The following AUTS2 variants were observed in gnomAD, a reference collection of about 807,000 sequenced individuals.
AUTS2 encodes activator of transcription and developmental regulator AUTS2.
A neutral mutation model predicts 112.4 loss-of-function variants in AUTS2; 17 were observed. The ratio of observed to expected loss-of-function variants is 0.15; its 90% CI spans 0.10 to 0.23. The LOEUF is 0.23. Ranked by LOEUF, AUTS2 falls within the 10% of genes least tolerant of loss-of-function variation. The pLI, the probability that AUTS2 is intolerant of heterozygous loss-of-function variation, is 1.00. For missense variants in AUTS2, 1,510 were observed against 1,701.6 expected, an observed-to-expected ratio of 0.89 and a Z score of 1.98; for synonymous variants, 751 against 702.7, an observed-to-expected ratio of 1.07 and a Z score of -1.09.
chr7:70,729,222 G>T (rs983100916), intron 6 of AUTS2: 1 of 456,266 alleles, frequency 2.2e-6, no homozygotes, highest in Non-Finnish European at 4.4e-6. Context: ...ATGGTTAAAG[G>T]TACCATGGCT....
Position 70,766,439 on chromosome 7 carries a change from GGACT to G in AUTS2, c.1689+109_1689+112del. The G allele has an allele frequency of 7.2e-7, 1 of 1,397,026 alleles. No homozygotes were observed. Among genetic ancestry groups the G allele is most frequent in the Non-Finnish European group, 9.9e-7 (1 of 1,012,214 alleles). 86.5% of individuals were successfully genotyped at this position (1,397,026 alleles called of 1,614,324 possible). On this transcript the variant is annotated intron_variant, in intron 9 of 18. Coordinates refer to ENST00000342771, the MANE Select transcript of AUTS2 (RefSeq NM_015570.4). The surrounding 1 kb of genome is among the most constrained non-coding windows in gnomAD (Gnocchi z 4.8). ...AGCGGGGCCACCAGAGATCGAATGG[GGACT>G]GACGGCTGTTGGCTGGAGAGAAGGG... is the stretch of plus-strand genomic sequence containing the variant.
At chr7:70,327,762 A>G (rs1790557599) in intron 4 of AUTS2, among the ~76,000 whole-genome samples, 1 of 151,644 alleles carries the variant, frequency 6.6e-6, no homozygotes, top group African/African-American at 2.4e-5. Context: ...CCCTCCTTAG[A>G]CTCCCTGTTT....
intron 5 of AUTS2, among the ~76,000 whole-genome samples, chr7:70,520,672 A>G (rs1799605851): frequency 6.6e-6 from 1 of 152,204 alleles, no homozygotes; most frequent in South Asian, 2.1e-4. Flanking sequence ...AAAAATTTAC[A>G]TGTGAGCACC....
chr7:70,163,784 A>T (rs1006644037), intron 4 of AUTS2, among the ~76,000 whole-genome samples: 1 of 152,198 alleles, frequency 6.6e-6, no homozygotes, highest in African/African-American at 2.4e-5. Flanking sequence ...ATTGTATTTC[A>T]TACCCTGAAC....
At chr7:69,971,341 G>A (rs1463192646) in intron 2 of AUTS2, among the ~76,000 whole-genome samples, 3 of 152,152 alleles carry the variant, frequency 2.0e-5, no homozygotes, top group Non-Finnish European at 4.4e-5. Flanking sequence ...TCTATTAAAT[G>A]AGGAGTATTA....
chr7:69,637,693 C>T (rs1423395366), intron 1 of AUTS2, among the ~76,000 whole-genome samples: 5 of 73,608 alleles, frequency 6.8e-5, no homozygotes, highest in Admixed American at 1.2e-4. Context: ...AAAATCAAAG[C>T]GATAGTAGAT....
rs996067977 is a variant in AUTS2 at position 70,230,997 on chromosome 7, C to T, written c.660+96426C>T. Among the ~76,000 whole-genome samples the T allele has an allele frequency of 5.3e-5, 8 of 152,324 alleles. No homozygotes were observed. The East Asian group carries it at 7.7e-4, about 15-fold the overall frequency. On this transcript the variant is annotated intron_variant, in intron 4 of 18. Coordinates refer to ENST00000342771, the MANE Select transcript of AUTS2 (RefSeq NM_015570.4). ...TGGAACTAGGGAGTGGGAGTAGCAC[C>T]GCACTAAAGTGCTATAGACTCTCAC...
intron 2 of AUTS2, among the ~76,000 whole-genome samples, chr7:69,920,291 CTTTCT>C (rs1179881212): frequency 4.6e-5 from 7 of 151,804 alleles, no homozygotes; most frequent in Non-Finnish European, 7.4e-5. Context: ...CTCTCTCTTT[CTTTCT>C]TTTATTTTTT....
chr7:70,599,180 C>T (rs1803351538), intron 5 of AUTS2, among the ~76,000 whole-genome samples: 2 of 152,348 alleles, frequency 1.3e-5, no homozygotes, highest in Admixed American at 6.5e-5. Flanking sequence ...TGAAGCCGTA[C>T]TGTAACAATA....
intron 2 of AUTS2, among the ~76,000 whole-genome samples, chr7:70,012,481 T>C (rs1799849239): frequency 6.6e-6 from 1 of 152,216 alleles, no homozygotes; most frequent in East Asian, 1.9e-4. Flanking sequence ...TTTTTTAGTT[T>C]CTTTTGTCTT....
At chr7:70,431,128 C>T (rs966895980) in intron 4 of AUTS2, among the ~76,000 whole-genome samples, 2 of 152,236 alleles carry the variant, frequency 1.3e-5, no homozygotes, top group African/African-American at 4.8e-5. Context: ...TGAGCCACCG[C>T]GCCCGGCCGT....
chr7:70,630,296 G>A (rs994251256), intron 5 of AUTS2, among the ~76,000 whole-genome samples: 3 of 151,998 alleles, frequency 2.0e-5, no homozygotes, highest in East Asian at 1.9e-4. Flanking sequence ...TTTTCATCTC[G>A]GTTGTAAAGC....
chr7:70,326,224 T>G (rs6967697), intron 4 of AUTS2, among the ~76,000 whole-genome samples: 44,443 of 151,978 alleles, frequency 0.29, 6,814 homozygotes, highest in African/African-American at 0.38. Context: ...AACTGATGTT[T>G]CTATCCTCTC....
At chr7:69,614,367 T>TCTTTTC (rs57602451) in intron 1 of AUTS2, among the ~76,000 whole-genome samples, 2 of 90,296 alleles carry the variant, frequency 2.2e-5, no homozygotes, top group Non-Finnish European at 2.3e-5. Flanking sequence ...TTTCTTTCTT[T>TCTTTTC]TTTTAAGAGA....
intron 1 of AUTS2, among the ~76,000 whole-genome samples, chr7:69,812,910 A>G (rs1054468797): frequency 2.6e-5 from 4 of 151,968 alleles, no homozygotes; most frequent in Non-Finnish European, 4.4e-5. Context: ...CTTTGCTCCT[A>G]CTTTGCCTCC....
intron 1 of AUTS2, among the ~76,000 whole-genome samples, chr7:69,708,956 T>A (rs1798184545): frequency 6.6e-6 from 1 of 152,204 alleles, no homozygotes; most frequent in Non-Finnish European, 1.5e-5. Context: ...TGGTTGTTTA[T>A]CAGCTCTGCC....
chr7:70,509,190 G>A (rs2866436), intron 5 of AUTS2, among the ~76,000 whole-genome samples: 32,745 of 152,074 alleles, frequency 0.22, 3,771 homozygotes, highest in Admixed American at 0.27. Flanking sequence ...TGATGTGCTG[G>A]GCACTGTGCT....
At chr7:70,784,581 A>G (rs905028689) in intron 15 of AUTS2, 8 of 196,772 alleles carry the variant, frequency 4.1e-5, no homozygotes, top group Admixed American at 1.7e-4. Context: ...TATTTCTCCA[A>G]ATTTACTTGG....
intron 4 of AUTS2, among the ~76,000 whole-genome samples, chr7:70,303,349 T>C (rs965152506): frequency 6.6e-6 from 1 of 152,044 alleles, no homozygotes; most frequent in Non-Finnish European, 1.5e-5. Context: ...GGAGCTGAGG[T>C]TGATCTAGCA....
Sources: allele counts gnomAD v4.1 joint callset (sites outside exome capture counted in the v4.1 genomes callset), GRCh38; gene constraint gnomAD v4.1.1; non-coding constraint Gnocchi (gnomAD v3.1); transcripts MANE v1.5; gene names NCBI Gene and HGNC (gene_info 2026-07-23, HGNC 2026-07-21).